TTC39C: variants seen among roughly 807,000 people sequenced by gnomAD.
TTC39C encodes tetratricopeptide repeat protein 39C.
Under a neutral mutation model 76.3 loss-of-function variants are expected in TTC39C, and 33 were observed. The observed-to-expected ratio is 0.43, with a 90% CI of 0.33 to 0.58. TTC39C has a LOEUF of 0.58. Among genes scored for constraint, TTC39C ranks in the 20% least tolerant of loss-of-function variants. The pLI, the probability that TTC39C is intolerant of heterozygous loss-of-function variation, is 0.04. For missense variants in TTC39C, 595 were observed against 701.4 expected (o/e 0.85, Z 1.71); for synonymous variants, 254 against 260.6 (o/e 0.97, Z 0.24).
chr18:24,042,515 C>T (rs2083808045), intron 1 of TTC39C, among the ~76,000 whole-genome samples: 2 of 152,192 alleles, frequency 1.3e-5, no homozygotes, highest in African/African-American at 4.8e-5. Flanking sequence ...TGCTCACCTC[C>T]TGCTGTGTGG....
At chr18:24,113,444 G>C in intron 6 of TTC39C, 2 of 614,032 alleles carry the variant, frequency 3.3e-6, no homozygotes, top group Non-Finnish European at 5.8e-6. Flanking sequence ...AGCCCACCTG[G>C]CTGGCTGTGG....
intron 1 of TTC39C, among the ~76,000 whole-genome samples, chr18:24,024,006 A>T (rs1455570045): frequency 0.31 from 1,767 of 5,714 alleles, 372 homozygotes; most frequent in Non-Finnish European, 0.38. Flanking sequence ...ATATATATAT[A>T]TATATATATA....
At chr18:24,038,057 C>A (rs2083751930) in intron 1 of TTC39C, among the ~76,000 whole-genome samples, 2 of 152,168 alleles carry the variant, frequency 1.3e-5, no homozygotes, top group Admixed American at 1.3e-4. Flanking sequence ...TATCTAGTGG[C>A]ACCATTTACC....
intron 1 of TTC39C, among the ~76,000 whole-genome samples, chr18:24,049,030 C>T (rs190712955): frequency 6.6e-6 from 1 of 152,272 alleles, no homozygotes; most frequent in African/African-American, 2.4e-5. Flanking sequence ...GATAGGACTC[C>T]TAGCTCTTAT....
intron 1 of TTC39C, among the ~76,000 whole-genome samples, chr18:24,043,133 T>C (rs2083818690): frequency 6.6e-6 from 1 of 152,158 alleles, no homozygotes; most frequent in Non-Finnish European, 1.5e-5. Context: ...TTGAAAATAA[T>C]GTAATTCGTA....
intron 4 of TTC39C, among the ~76,000 whole-genome samples, chr18:24,070,056 A>G (rs1411473148): frequency 6.6e-6 from 1 of 152,224 alleles, no homozygotes; most frequent in Admixed American, 6.5e-5. Context: ...AATTTCTTTT[A>G]AATTATAACA....
Position 24,134,312 on chromosome 18 carries a change from C to A in TTC39C, c.*1738C>A. On this transcript the variant is annotated 3_prime_UTR_variant, in exon 14 of 14. Transcript: ENST00000317571. Reference sequence around the variant, plus strand: ...TTTTTGAGACGGAGTCTCGCTCTGTCACCCAGGCTGGAGTGCAGTGGCGTG... The same window carrying A: ...TTTTTGAGACGGAGTCTCGCTCTGTAACCCAGGCTGGAGTGCAGTGGCGTG... The A allele has an allele frequency of 8.3e-6, 1 of 120,598 alleles. No homozygotes were observed. The highest frequency in any genetic ancestry group is 1.6e-5 in the Non-Finnish European group (1 of 62,260). 7.5% of individuals were successfully genotyped at this position (120,598 alleles called of 1,614,324 possible). A position where few individuals can be genotyped will look rare whatever the true frequency, so the allele number is the denominator to read the frequency against.
At chr18:24,048,398 A>G (rs553440239) in intron 1 of TTC39C, among the ~76,000 whole-genome samples, 10 of 152,246 alleles carry the variant, frequency 6.6e-5, no homozygotes, top group African/African-American at 2.4e-4. Flanking sequence ...TAAATACCCT[A>G]TTTCTGACTT....
At position 24,066,057 on chromosome 18, in the gene TTC39C, G is replaced by C; in HGVS notation, c.262G>C (p.Asp88His). 1 of 1,600,010 alleles carries C rather than the reference G, an allele frequency of 6.2e-7. No individual in the cohort carries two copies. The highest frequency in any genetic ancestry group is 8.5e-7 in the Non-Finnish European group (1 of 1,176,480). The change falls in exon 3 of 14, where the codon GAT becomes CAT. Residue 88 changes from aspartate to histidine, a missense_variant. Physicochemically the swap from Asp to His is moderately conservative, Grantham distance 81. Coordinates refer to ENST00000317571, the MANE Select transcript of TTC39C (RefSeq NM_001135993.2). ...FEEEKMQLAC[D>H]DLKTTEKLCE... ...GGAAGAAAAAATGCAGTTGGCATGTGATGACTTAAAAACCACAGAAAAACT... is the reference window on the plus strand; with the variant it reads ...GGAAGAAAAAATGCAGTTGGCATGTCATGACTTAAAAACCACAGAAAAACT...
intron 4 of TTC39C, 143 bp from the exon 5 acceptor site, chr18:24,080,442 C>T (rs1038663336): frequency 1.6e-6 from 1 of 632,126 alleles, no homozygotes; most frequent in African/African-American, 1.8e-5. Context: ...ACTATAAGAA[C>T]ACTGGGTACA....
chr18:24,045,938 T>A (rs1450140220), intron 1 of TTC39C, among the ~76,000 whole-genome samples: 15 of 101,900 alleles, frequency 1.5e-4, no homozygotes, highest in South Asian at 3.7e-4. Flanking sequence ...TTTTTTTTTT[T>A]TTTTTTTTTT....
intron 4 of TTC39C, among the ~76,000 whole-genome samples, chr18:24,078,261 A>G (rs2084332017): frequency 6.6e-6 from 1 of 152,214 alleles, no homozygotes. Context: ...CCTGGGTGAT[A>G]TGTTCATCAT....
chr18:24,114,913 G>A (rs1179494362), intron 7 of TTC39C: 1 of 310,774 alleles, frequency 3.2e-6, no homozygotes, highest in East Asian at 7.8e-5. Context: ...ATACCTTATT[G>A]GACTGCATTA....
intron 1 of TTC39C, among the ~76,000 whole-genome samples, chr18:24,041,200 C>G (rs530606604): frequency 9.2e-5 from 14 of 152,304 alleles, no homozygotes; most frequent in African/African-American, 3.4e-4. Flanking sequence ...AAAGTGAGCC[C>G]ACCTACTTTC....
At chr18:24,054,534 GAA>G (rs1445719290) in intron 1 of TTC39C, among the ~76,000 whole-genome samples, 3 of 152,122 alleles carry the variant, frequency 2.0e-5, no homozygotes, top group African/African-American at 7.2e-5. Context: ...TGGCACTGAA[GAA>G]GACCCCCTTG....
rs2084205651 is a variant in TTC39C at position 24,069,142 on chromosome 18, C to G, written c.346-15C>G. 1.2e-6 allele frequency: 2 copies of G among 1,600,874 alleles called. No homozygotes were observed. The highest frequency in any genetic ancestry group is 2.2e-5 in the East Asian group (1 of 44,806). On this transcript the variant is annotated splice_polypyrimidine_tract_variant and intron_variant, in intron 3 of 13. Coordinates refer to ENST00000317571, the MANE Select transcript of TTC39C (RefSeq NM_001135993.2). ...TGTGTGATTTATCAGTGTGGACATT[C>G]TTTCTGCCAAACAGGTTGATGTCCG...
chr18:24,022,829 T>G, intron 1 of TTC39C: 2 of 985,404 alleles, frequency 2.0e-6, no homozygotes, highest in Non-Finnish European at 2.4e-6. Flanking sequence ...TGCTGGAATA[T>G]TTTACGTCAT....
At chr18:24,100,895 A>G (rs2084665236) in intron 6 of TTC39C, among the ~76,000 whole-genome samples, 1 of 152,194 alleles carries the variant, frequency 6.6e-6, no homozygotes, top group Non-Finnish European at 1.5e-5. Flanking sequence ...CTGTTAGTAC[A>G]TGTCCCATGA....
chr18:24,074,676 A>T (rs945353537), intron 4 of TTC39C, among the ~76,000 whole-genome samples: 5 of 152,306 alleles, frequency 3.3e-5, no homozygotes, highest in Admixed American at 1.3e-4. Context: ...GATGTGGAGA[A>T]ATAGGAACAC....
Sources: allele counts gnomAD v4.1 joint callset (sites outside exome capture counted in the v4.1 genomes callset), GRCh38; gene constraint gnomAD v4.1.1; transcripts MANE v1.5; gene names NCBI Gene and HGNC (gene_info 2026-07-23, HGNC 2026-07-21).